ZNF736: variants seen among roughly 807,000 people sequenced by gnomAD.
ZNF736 encodes KRAB-containing zinc-finger repressor protein.
Under a neutral mutation model 11.7 loss-of-function variants are expected in ZNF736, and 6 were observed. The ratio of observed to expected loss-of-function variants is 0.51; its 90% confidence interval spans 0.28 to 1.01. The LOEUF (loss-of-function observed/expected upper bound fraction) is 1.01, where lower values mean the gene tolerates loss of function less well. Ranked by LOEUF, ZNF736 falls within the 50% of genes least tolerant of loss-of-function variation. The pLI, the probability that ZNF736 is intolerant of heterozygous loss-of-function variation, is 0.09. For synonymous variants in ZNF736, 139 were observed against 164.7 expected (o/e 0.84, Z 1.19); for missense variants, 444 against 496.0 (o/e 0.90, Z 1.00).
chr7:64,348,514 T>C lies in ZNF736; in HGVS notation c.651T>C (p.Thr217=), dbSNP rs1341848572. The part of the protein sequence containing the change: ...GKAFKKFSNL[T]EHKRVHTGEK... ...CGTTTAAAAAGTTTTCAAACCTTAC[T>C]GAACATAAGAGAGTTCATACTGGAG... The change falls in exon 4 of 4, where the codon ACT becomes ACC. Residue 217 remains threonine (T), a synonymous_variant. Transcript: ENST00000423484. 2 of 1,574,528 alleles carry C rather than the reference T, an allele frequency of 1.3e-6. No individual in the cohort carries two copies. The highest frequency in any genetic ancestry group is 1.7e-4 in the Middle Eastern group (1 of 6,020).
intron 3 of ZNF736, among the ~76,000 whole-genome samples, chr7:64,338,085 A>G (rs1789285528): frequency 6.6e-6 from 1 of 151,998 alleles, no homozygotes. Context: ...CTCAATTTTA[A>G]CTTTATTTTA....
At position 64,349,277 on chromosome 7, in the gene ZNF736, AC is replaced by A; in HGVS notation, c.*131del. The A allele has an allele frequency of 1.2e-6, 1 of 857,232 alleles. No individual in the cohort carries two copies. The allele number at this position is 857,232 out of a possible 1,614,324, so 53.1% of individuals were successfully genotyped here. A position where few individuals can be genotyped will look rare whatever the true frequency, so the allele number is the denominator to read the frequency against. ...CATCTTAGAGGGTCTCTAAGAACTTACTTTATAATCTGGTTGCTTATATGTT... is the reference window on the plus strand; with the variant it reads ...CATCTTAGAGGGTCTCTAAGAACTTATTTATAATCTGGTTGCTTATATGTT... On this transcript the variant is annotated 3_prime_UTR_variant, in exon 4 of 4. Coordinates refer to ENST00000423484, the MANE Select transcript of ZNF736 (RefSeq NM_001170905.3).
intron 3 of ZNF736, among the ~76,000 whole-genome samples, chr7:64,340,573 T>C (rs1316984581): frequency 6.6e-6 from 1 of 152,122 alleles, no homozygotes; most frequent in Non-Finnish European, 1.5e-5. Flanking sequence ...ACAAAATTAT[T>C]ATAAAGGTCT....
chr7:64,327,161 C>T (rs1444041942), intron 1 of ZNF736, among the ~76,000 whole-genome samples: 1 of 152,098 alleles, frequency 6.6e-6, no homozygotes, highest in Non-Finnish European at 1.5e-5. Context: ...TGGAGTTGAT[C>T]TCTCTCTCTT....
intron 1 of ZNF736, among the ~76,000 whole-genome samples, chr7:64,327,493 G>A (rs1426888778): frequency 6.6e-6 from 1 of 151,910 alleles, no homozygotes; most frequent in Non-Finnish European, 1.5e-5. Flanking sequence ...AACTCATTTG[G>A]CCAATTTGTG....
chr7:64,345,862 TA>T (rs954249488), intron 3 of ZNF736, among the ~76,000 whole-genome samples: 1 of 152,158 alleles, frequency 6.6e-6, no homozygotes, highest in Non-Finnish European at 1.5e-5. Flanking sequence ...AAATTTCAAT[TA>T]AAAAAATTGT....
intron 1 of ZNF736, among the ~76,000 whole-genome samples, chr7:64,316,087 C>T (rs532635011): frequency 6.6e-5 from 10 of 152,202 alleles, no homozygotes; most frequent in African/African-American, 2.2e-4. Flanking sequence ...TTTCCTGGTC[C>T]AAGTATTACA....
intron 1 of ZNF736, among the ~76,000 whole-genome samples, chr7:64,326,738 T>C (rs1178678482): frequency 6.6e-6 from 1 of 152,160 alleles, no homozygotes; most frequent in African/African-American, 2.4e-5. Flanking sequence ...CATAGTTTTG[T>C]TATGTTTTCA....
At chr7:64,342,349 T>G (rs1046671752) in intron 3 of ZNF736, among the ~76,000 whole-genome samples, 4 of 152,126 alleles carry the variant, frequency 2.6e-5, no homozygotes, top group African/African-American at 9.7e-5. Context: ...AGCATCTGAT[T>G]AAGTACAAGA....
At position 64,355,937 on chromosome 7, in the gene ZNF736, G is replaced by T; in HGVS notation, c.*6790G>T. Reference sequence around the variant, plus strand: ...CCTGGCAGGATCAGCCTTCAGTTCTGGGTTGATTTGGGGGCAATTGGATGA... The same window carrying T: ...CCTGGCAGGATCAGCCTTCAGTTCTTGGTTGATTTGGGGGCAATTGGATGA... On this transcript the variant is annotated 3_prime_UTR_variant, in exon 4 of 4. Transcript: ENST00000423484. 1 of 192,862 alleles carries T rather than the reference G, an allele frequency of 5.2e-6. No homozygotes were observed. Among genetic ancestry groups the T allele is most frequent in the South Asian group, 1.0e-4 (1 of 9,614 alleles). 11.9% of individuals were successfully genotyped at this position (192,862 alleles called of 1,614,324 possible).
Position 64,349,122 on chromosome 7 carries a change from C to G in ZNF736, c.1259C>G (p.Thr420Ser). The G allele has an allele frequency of 6.4e-7, 1 of 1,559,718 alleles. No individual in the cohort carries two copies. The highest frequency in any genetic ancestry group is 8.7e-7 in the Non-Finnish European group (1 of 1,153,498). The change falls in exon 4 of 4, where the codon ACT becomes AGT. Residue 420 changes from threonine (T) to serine (S), a missense_variant. Coordinates refer to ENST00000423484, the MANE Select transcript of ZNF736 (RefSeq NM_001170905.3). ...CTCATCAGACATAAGAGAATTCATA[C>G]TAGAGAGAAGCTCCACAAGTGTTAA... is the stretch of plus-strand genomic sequence containing the variant. ...SHLIRHKRIH[T>S]REKLHKC
At chr7:64,332,403 G>A (rs570193598) in intron 1 of ZNF736, among the ~76,000 whole-genome samples, 1 of 152,206 alleles carries the variant, frequency 6.6e-6, no homozygotes, top group South Asian at 2.1e-4. Flanking sequence ...AGGGGAGGGG[G>A]TGTAAAACAG....
intron 1 of ZNF736, among the ~76,000 whole-genome samples, chr7:64,335,021 A>T (rs1388908250): frequency 6.6e-6 from 1 of 151,932 alleles, no homozygotes; most frequent in Non-Finnish European, 1.5e-5. Context: ...CATTCTCAGC[A>T]AACTAACAAA....
At chr7:64,338,950 A>G (rs1321871749) in intron 3 of ZNF736, among the ~76,000 whole-genome samples, 1 of 151,950 alleles carries the variant, frequency 6.6e-6, no homozygotes, top group Non-Finnish European at 1.5e-5. Flanking sequence ...ACGTCACTAA[A>G]ATTGTACAGC....
At chr7:64,347,020 T>G (rs1789419921) in intron 3 of ZNF736, among the ~76,000 whole-genome samples, 1 of 150,210 alleles carries the variant, frequency 6.7e-6, no homozygotes, top group Non-Finnish European at 1.5e-5. Context: ...TTGAGCCATA[T>G]TATCTTGATG....
chr7:64,336,498 AG>A, intron 2 of ZNF736, 113 bp downstream of exon 2: 2 of 1,169,202 alleles, frequency 1.7e-6, no homozygotes, highest in Non-Finnish European at 2.3e-6. Context: ...TGCTTCAAAA[AG>A]AAAAAATTGG....
intron 3 of ZNF736, among the ~76,000 whole-genome samples, chr7:64,341,595 C>T (rs1178270426): frequency 6.6e-5 from 10 of 152,124 alleles, no homozygotes; most frequent in Admixed American, 6.5e-4. Flanking sequence ...ACAACATTCA[C>T]CTTCTAGCAG....
chr7:64,329,993 CTT>C (rs1206268937), intron 1 of ZNF736, among the ~76,000 whole-genome samples: 1 of 152,056 alleles, frequency 6.6e-6, no homozygotes, highest in Admixed American at 6.5e-5. Flanking sequence ...TCTTTTTTCT[CTT>C]TTATCAAGCA....
intron 1 of ZNF736, among the ~76,000 whole-genome samples, chr7:64,316,297 T>G (rs941350865): frequency 8.5e-5 from 13 of 152,214 alleles, no homozygotes; most frequent in African/African-American, 2.9e-4. Flanking sequence ...GCTTTAACAT[T>G]AAGATTTTTT....
Sources: gnomAD v4.1 joint callset for allele counts (sites outside exome capture counted in the v4.1 genomes callset) on GRCh38, gnomAD v4.1.1 for gene constraint, MANE v1.5 for transcripts, NCBI Gene and HGNC (gene_info 2026-07-23, HGNC 2026-07-21) for gene names.